FASTKD2: variants seen among roughly 807,000 people sequenced by gnomAD.
FASTKD2 encodes the protein FAST kinase domain-containing protein 2, mitochondrial.
In FASTKD2, 51 loss-of-function variants were observed where a neutral mutation model predicts 63.6. The ratio of observed to expected loss-of-function variants is 0.80; its 90% CI spans 0.64 to 1.01. FASTKD2 has a LOEUF of 1.01. Among genes scored for constraint, FASTKD2 ranks in the 50% least tolerant of loss-of-function variants. The pLI, the probability that FASTKD2 is intolerant of heterozygous loss-of-function variation, is 0.00. For synonymous variants in FASTKD2, 284 were observed against 293.4 expected (o/e 0.97, Z 0.33); for missense variants, 786 against 831.1 (o/e 0.95, Z 0.67).
intron 8 of FASTKD2, 38 bp downstream of exon 8, chr2:206,786,937 CAATT>C: frequency 1.5e-6 from 1 of 649,606 alleles, no homozygotes; most frequent in Non-Finnish European, 2.7e-6. Context: ...CAATTGTGAC[CAATT>C]CTGCACTACC....
rs1559358097 is a variant in FASTKD2, at chr2:206,767,195, GA to G, written c.503del (p.Asp168ValfsTer3). On this transcript the variant is annotated frameshift_variant, in exon 2 of 12. Transcript: ENST00000402774. LOFTEE classifies it high-confidence loss of function. ...GTCTGAGGAATGTAATTCCCTGAGT[GA>G]TGTGTTAGATGCATTTTCAAAAGCG... Reference protein sequence around the residue: ...KLSEECNSLSDVLDAFSKAPT... With the variant: ...KLSEECNSLSXVLDAFSKAPT... The G allele has an allele frequency of 5.6e-6, 9 of 1,614,098 alleles. No individual in the cohort carries two copies. The highest frequency in any genetic ancestry group is 7.6e-6 in the Non-Finnish European group (9 of 1,180,020).
chr2:206,771,836 A>C, intron 4 of FASTKD2, 58 bp from the exon 5 acceptor site: 1 of 1,381,318 alleles, frequency 7.2e-7, no homozygotes, highest in Non-Finnish European at 1.0e-6. Flanking sequence ...ATAAAAATAA[A>C]AGTTTAATTT....
intron 2 of FASTKD2, 86 bp downstream of exon 2, chr2:206,767,556 TAAAAG>T (rs959853589): frequency 1.3e-5 from 13 of 1,012,800 alleles, no homozygotes; most frequent in Middle Eastern, 5.6e-4. Flanking sequence ...GTAGCCTTCT[TAAAAG>T]AGACTATCAA....
At position 206,793,737 on chromosome 2, in the gene FASTKD2, A is replaced by G. The variant is rs1182804865; in HGVS notation, c.*1935A>G. Among the ~76,000 whole-genome samples the G allele has an allele frequency of 6.6e-6, 1 of 152,202 alleles. No individual in the cohort carries two copies. Among genetic ancestry groups the G allele is most frequent in the Non-Finnish European group, 1.5e-5 (1 of 68,044 alleles). ...TTCAGTTTGTACTAGTTAACCTGGCAGATAAAAAGGCATCCCTCTTTTACT... is the reference window on the plus strand; with the variant it reads ...TTCAGTTTGTACTAGTTAACCTGGCGGATAAAAAGGCATCCCTCTTTTACT... On this transcript the variant is annotated 3_prime_UTR_variant, in exon 12 of 12. Transcript: ENST00000402774.
At position 206,793,537 on chromosome 2, in the gene FASTKD2, A is replaced by G. The variant is rs1690355628; in HGVS notation, c.*1735A>G. On this transcript the variant is annotated 3_prime_UTR_variant, in exon 12 of 12. Coordinates refer to ENST00000402774, the MANE Select transcript of FASTKD2 (RefSeq NM_001136193.2). ...ACCTCTAGTTTTGTATACTTGGCCA[A>G]GTGATTTAACCTTATAAGCTTCAGA... 6.6e-6 allele frequency among the ~76,000 whole-genome samples: 1 copy of G among 152,146 alleles called. No individual in the cohort carries two copies. The highest frequency in any genetic ancestry group is 2.4e-5 in the African/African-American group (1 of 41,428).
intron 3 of FASTKD2, 94 bp from the exon 4 acceptor site, chr2:206,771,088 G>GC (rs1376996525): frequency 3.6e-5 from 27 of 745,484 alleles, no homozygotes; most frequent in Admixed American, 1.2e-4. Context: ...CATAATCCTT[G>GC]CCTGTAAGAA....
chr2:206,776,522 T>A (rs1689829257), intron 7 of FASTKD2, among the ~76,000 whole-genome samples: 1 of 152,130 alleles, frequency 6.6e-6, no homozygotes, highest in East Asian at 1.9e-4. Context: ...TGTTTAAATC[T>A]TTAATCCATT....
rs1690410222 is a variant in FASTKD2, at chr2:206,795,146, A to G, written c.*3344A>G. ...CCTGAGAGGTGGACCATCAGACTCC[A>G]CCCTGTTTTGCGCTGACTTGTAGGG... On this transcript the variant is annotated 3_prime_UTR_variant, in exon 12 of 12. Transcript: ENST00000402774. Among the ~76,000 whole-genome samples the G allele has an allele frequency of 6.6e-6, 1 of 152,112 alleles. No individual in the cohort carries two copies. Among genetic ancestry groups the G allele is most frequent in the African/African-American group, 2.4e-5 (1 of 41,428 alleles).
At chr2:206,772,749 A>G (rs1043450851) in intron 6 of FASTKD2, among the ~76,000 whole-genome samples, 1 of 152,188 alleles carries the variant, frequency 6.6e-6, no homozygotes. Flanking sequence ...GAGATATTCA[A>G]CACTTTTATT....
intron 7 of FASTKD2, among the ~76,000 whole-genome samples, chr2:206,784,452 T>C (rs1380872006): frequency 6.6e-6 from 1 of 152,268 alleles, no homozygotes; most frequent in Non-Finnish European, 1.5e-5. Context: ...CATTATTTCA[T>C]TTATGATGGC....
intron 2 of FASTKD2, 140 bp downstream of exon 2, chr2:206,767,610 A>G: frequency 2.8e-6 from 2 of 716,892 alleles, no homozygotes; most frequent in Non-Finnish European, 4.6e-6. Flanking sequence ...TTCTGCATAT[A>G]TATTATATGA....
In FASTKD2 at chr2:206,792,130, T is replaced by A; in HGVS notation, c.*328T>A. On this transcript the variant is annotated 3_prime_UTR_variant, in exon 12 of 12. Coordinates refer to ENST00000402774, the MANE Select transcript of FASTKD2 (RefSeq NM_001136193.2). ...GTGAGGTGTCACAGGCAGGTTGATG[T>A]GGGTAGTAGTCCTTGTCTTTGGAAT... 2 of 348,178 alleles carry A rather than the reference T, an allele frequency of 5.7e-6. No individual in the cohort carries two copies. The highest frequency in any genetic ancestry group is 5.2e-5 in the South Asian group (2 of 38,732). 21.6% of individuals were successfully genotyped at this position (348,178 alleles called of 1,614,324 possible). A position where few individuals can be genotyped will look rare whatever the true frequency, so the allele number is the denominator to read the frequency against.
At position 206,791,702 on chromosome 2, in the gene FASTKD2, A is replaced by T. The variant is rs1366889826; in HGVS notation, c.2033A>T (p.Asp678Val). 6.2e-7 allele frequency: 1 copy of T among 1,612,800 alleles called. No homozygotes were observed. The highest frequency in any genetic ancestry group is 8.5e-7 in the Non-Finnish European group (1 of 1,178,986). Residue 678 changes from aspartate to valine, a missense_variant, in exon 12 of 12, where the codon GAC becomes GTC. Transcript: ENST00000402774. ...HVILVNNWEM[D>V]KLEMEDAVTF... is the part of the protein sequence containing the mutation. ...GGTAAGGTCAATAACTGGGAGATGGACAAACTAGAGATGGAAGATGCAGTC... is the reference window on the plus strand; with the variant it reads ...GGTAAGGTCAATAACTGGGAGATGGTCAAACTAGAGATGGAAGATGCAGTC...
In FASTKD2 at chr2:206,793,433, T is replaced by C. The variant is rs992030919; in HGVS notation, c.*1631T>C. Among the ~76,000 whole-genome samples, 2 of 152,100 alleles carry C rather than the reference T, an allele frequency of 1.3e-5. No homozygotes were observed. The highest frequency in any genetic ancestry group is 6.5e-5 in the Admixed American group (1 of 15,270). On this transcript the variant is annotated 3_prime_UTR_variant, in exon 12 of 12. Coordinates refer to ENST00000402774, the MANE Select transcript of FASTKD2 (RefSeq NM_001136193.2). The stretch of plus-strand genomic sequence containing the variant: ...CTTTCCTGAAGTCTCAGCTATGCCA[T>C]TGGTTCCACATCATTTCATCCTCAC...
intron 7 of FASTKD2, among the ~76,000 whole-genome samples, chr2:206,779,146 C>T (rs867728688): frequency 6.6e-6 from 1 of 152,048 alleles, no homozygotes; most frequent in Non-Finnish European, 1.5e-5. Flanking sequence ...CTTGTTTGTC[C>T]TTGTGACAAT....
intron 11 of FASTKD2, 53 bp downstream of exon 11, chr2:206,790,739 C>A: frequency 9.5e-7 from 1 of 1,056,230 alleles, no homozygotes; most frequent in Non-Finnish European, 1.5e-6. Context: ...TACATTCTAA[C>A]AGCTGCCAGG....
intron 3 of FASTKD2, among the ~76,000 whole-genome samples, chr2:206,770,510 G>A (rs548795588): frequency 2.0e-5 from 3 of 152,142 alleles, no homozygotes; most frequent in African/African-American, 4.8e-5. Context: ...TTGGGAGGCC[G>A]AGGCAGGCGG....
intron 7 of FASTKD2, among the ~76,000 whole-genome samples, chr2:206,784,214 A>C (rs1160016223): frequency 1.3e-5 from 2 of 152,256 alleles, no homozygotes; most frequent in Non-Finnish European, 2.9e-5. Flanking sequence ...TAGACCATTT[A>C]TGAGAACAAC....
At chr2:206,791,631 CTT>C (rs933944540) in intron 11 of FASTKD2, 50 bp from the exon 12 acceptor site, 1 of 1,578,252 alleles carries the variant, frequency 6.3e-7, no homozygotes, top group African/African-American at 1.3e-5. Context: ...TAAACTAGCT[CTT>C]TTGTTAGTAT....
Sources: gnomAD v4.1 joint callset for allele counts (sites outside exome capture counted in the v4.1 genomes callset) on GRCh38, gnomAD v4.1.1 for gene constraint, MANE v1.5 for transcripts, NCBI Gene and HGNC (gene_info 2026-07-23, HGNC 2026-07-21) for gene names.